Variants in CHMP5 observed in about 807,000 individuals in gnomAD.
The protein encoded by CHMP5 is SNF7 domain containing 2.
CHMP5 carries 17 observed loss-of-function variants against 33.0 expected under a neutral mutation model. That is an observed-to-expected ratio of 0.52 (90% CI 0.35 to 0.77). The LOEUF (loss-of-function observed/expected upper bound fraction) is 0.77. CHMP5 is among the 30% of genes least tolerant of loss of function. The pLI, the probability that CHMP5 is intolerant of heterozygous loss-of-function variation, is 0.01. For synonymous variants in CHMP5, 76 were observed against 90.2 expected (o/e 0.84, Z 0.89); for missense variants, 216 against 261.5 (o/e 0.83, Z 1.20).
chr9:33,279,049 C>T (rs888308270), intron 7 of CHMP5, among the ~76,000 whole-genome samples: 1 of 152,104 alleles, frequency 6.6e-6, no homozygotes, highest in African/African-American at 2.4e-5. Context: ...TCAGCCACCC[C>T]AGGTAGCTGC....
At chr9:33,268,774 A>G (rs948679311) in intron 3 of CHMP5, among the ~76,000 whole-genome samples, 3 of 152,232 alleles carry the variant, frequency 2.0e-5, no homozygotes, top group Non-Finnish European at 4.4e-5. Context: ...ACAGAAGAAA[A>G]TAAAATTTAC....
intron 5 of CHMP5, among the ~76,000 whole-genome samples, chr9:33,274,894 G>A (rs1001164147): frequency 6.6e-6 from 1 of 152,172 alleles, no homozygotes; most frequent in Non-Finnish European, 1.5e-5. Context: ...AGGATTACAG[G>A]CATGAGCCAC....
chr9:33,267,307 A>C (rs1308443358), intron 2 of CHMP5, among the ~76,000 whole-genome samples: 1 of 152,254 alleles, frequency 6.6e-6, no homozygotes, highest in Non-Finnish European at 1.5e-5. Context: ...ATGAAAGCCC[A>C]AACCATGGTG....
At position 33,281,946 on chromosome 9, in the gene CHMP5, C is replaced by T. The variant is rs935589261; in HGVS notation, c.*1087C>T. 1.3e-5 allele frequency: 2 copies of T among 152,248 alleles called. No homozygotes were observed. The highest frequency in any genetic ancestry group is 4.8e-5 in the African/African-American group (2 of 41,458). 9.4% of individuals were successfully genotyped at this position (152,248 alleles called of 1,614,324 possible). ...TCAGGGTCTTTAATGATCCTGTCCT[C>T]CCTTCCTCATTCAACTTGTTGCCAA... On this transcript the variant is annotated 3_prime_UTR_variant, in exon 8 of 8. Coordinates refer to ENST00000223500, the MANE Select transcript of CHMP5 (RefSeq NM_016410.6).
At chr9:33,271,245 G>A (rs1180048504) in intron 5 of CHMP5, 22 bp downstream of exon 5, 8 of 1,576,608 alleles carry the variant, frequency 5.1e-6, no homozygotes, top group Non-Finnish European at 6.1e-6. Flanking sequence ...GCTAGTTTCT[G>A]CAAGAATGTG....
At chr9:33,267,369 G>C (rs541824776) in intron 2 of CHMP5, among the ~76,000 whole-genome samples, 1 of 152,298 alleles carries the variant, frequency 6.6e-6, no homozygotes, top group South Asian at 2.1e-4. Flanking sequence ...CAGCTAACAG[G>C]ATGACTGTGC....
intron 2 of CHMP5, among the ~76,000 whole-genome samples, chr9:33,267,444 G>A (rs1255333065): frequency 6.6e-6 from 1 of 152,218 alleles, no homozygotes; most frequent in Non-Finnish European, 1.5e-5. Flanking sequence ...AGAGAGGTGA[G>A]AGATTGGTGG....
chr9:33,280,759 T>A, intron 7 of CHMP5, 50 bp from the exon 8 acceptor site: 1 of 1,500,212 alleles, frequency 6.7e-7, no homozygotes, highest in East Asian at 2.3e-5. Flanking sequence ...TCCTTTTTTT[T>A]TTTATCAAAT....
intron 6 of CHMP5, among the ~76,000 whole-genome samples, chr9:33,277,613 G>A (rs1820871128): frequency 6.6e-6 from 1 of 152,164 alleles, no homozygotes; most frequent in Non-Finnish European, 1.5e-5. Flanking sequence ...AGACAGAAGT[G>A]GACAGATTGA....
intron 5 of CHMP5, among the ~76,000 whole-genome samples, chr9:33,273,959 G>A (rs542181276): frequency 6.6e-6 from 1 of 151,888 alleles, no homozygotes; most frequent in Non-Finnish European, 1.5e-5. Flanking sequence ...GTGTAGCAGA[G>A]TGTTAAATAT....
intron 2 of CHMP5, among the ~76,000 whole-genome samples, chr9:33,267,252 A>C: frequency 6.6e-6 from 1 of 152,208 alleles, no homozygotes; most frequent in South Asian, 2.1e-4. Context: ...ATGGTGTGGA[A>C]TGAAGAGCAA....
chr9:33,270,330 G>T (rs1820778582), intron 3 of CHMP5, among the ~76,000 whole-genome samples: 1 of 152,154 alleles, frequency 6.6e-6, no homozygotes, highest in Non-Finnish European at 1.5e-5. Context: ...TACATTGTCT[G>T]ATGTTTGCAC....
Position 33,281,152 on chromosome 9 carries a change from G to A in CHMP5, c.*293G>A. 2 of 308,598 alleles carry A rather than the reference G, an allele frequency of 6.5e-6. No individual in the cohort carries two copies. Among genetic ancestry groups the A allele is most frequent in the East Asian group, 6.4e-5 (1 of 15,738 alleles). The allele number at this position is 308,598 out of a possible 1,614,324, so 19.1% of individuals were successfully genotyped here. A position where few individuals can be genotyped will look rare whatever the true frequency, so the allele number is the denominator to read the frequency against. On this transcript the variant is annotated 3_prime_UTR_variant, in exon 8 of 8. Coordinates refer to ENST00000223500, the MANE Select transcript of CHMP5 (RefSeq NM_016410.6). ...TAATAATAATTTGAAATAAAACTAAGGAAATGGAATCTTAAAAGTCTATGA... is the reference window on the plus strand; with the variant it reads ...TAATAATAATTTGAAATAAAACTAAAGAAATGGAATCTTAAAAGTCTATGA...
chr9:33,265,621 C>G (rs1204267112), intron 1 of CHMP5, among the ~76,000 whole-genome samples: 1 of 152,186 alleles, frequency 6.6e-6, no homozygotes, highest in Non-Finnish European at 1.5e-5. Flanking sequence ...CCACCATCCC[C>G]GATTTAGGGA....
rs1587795005 is a variant in CHMP5 at position 33,265,258 on chromosome 9, T to C, written c.69+111T>C. ...CACTTCATTTCGGGTCCTGGGCCCC[T>C]TACACGTCGTCCCTCTCTATCTCAC... On this transcript the variant is annotated intron_variant, in intron 1 of 7. Transcript: ENST00000223500. The C allele has an allele frequency of 4.3e-6, 4 of 939,510 alleles. No homozygotes were observed. In the Admixed American group the frequency reaches 8.3e-5, roughly 20 times the overall value. The allele number at this position is 939,510 out of a possible 1,614,324, so 58.2% of individuals were successfully genotyped here. A position where few individuals can be genotyped will look rare whatever the true frequency, so the allele number is the denominator to read the frequency against.
rs750069322 is a variant in CHMP5 at position 33,276,450 on chromosome 9, C to T, written c.388-6C>T. 2.7e-6 allele frequency: 4 copies of T among 1,507,042 alleles called. No individual in the cohort carries two copies. Among genetic ancestry groups the T allele is most frequent in the Non-Finnish European group, 3.7e-6 (4 of 1,085,922 alleles). The allele number at this position is 1,507,042 out of a possible 1,614,324, so 93.4% of individuals were successfully genotyped here. A position where few individuals can be genotyped will look rare whatever the true frequency, so the allele number is the denominator to read the frequency against. ...AGAGAAAATCCTCTCATATATATTTCCGTAGGATTTACAAGACCAGCTAGA... is the reference window on the plus strand; with the variant it reads ...AGAGAAAATCCTCTCATATATATTTTCGTAGGATTTACAAGACCAGCTAGA... On this transcript the variant is annotated splice_region_variant and splice_polypyrimidine_tract_variant and intron_variant, in intron 5 of 7. Transcript: ENST00000223500.
intron 1 of CHMP5, among the ~76,000 whole-genome samples, chr9:33,265,449 A>G (rs953174749): frequency 3.3e-5 from 5 of 151,960 alleles, no homozygotes; most frequent in Non-Finnish European, 7.4e-5. Flanking sequence ...CCCTAGGCCC[A>G]TACACCCTTC....
At position 33,276,236 on chromosome 9, in the gene CHMP5, A is replaced by G. The variant is rs1820852567; in HGVS notation, c.388-220A>G. 2.6e-5 allele frequency among the ~76,000 whole-genome samples: 4 copies of G among 152,158 alleles called. No individual in the cohort carries two copies. In the South Asian group the frequency reaches 8.3e-4, roughly 32 times the overall value. On this transcript the variant is annotated intron_variant, in intron 5 of 7. Transcript: ENST00000223500. The stretch of plus-strand genomic sequence containing the variant: ...GTTACTTGAACCTGTCCTTTAGAGG[A>G]GTGTCTGCTCAGTTGTTAACATTAA...
In CHMP5 at chr9:33,266,029, C is replaced by G. The variant is rs182465933; in HGVS notation, c.89C>G (p.Ser30Cys). 6.2e-7 allele frequency: 1 copy of G among 1,612,350 alleles called. No individual in the cohort carries two copies. Among genetic ancestry groups the G allele is most frequent in the African/African-American group, 1.3e-5 (1 of 74,970 alleles). Residue 30 changes from serine to cysteine, a missense_variant, in exon 2 of 8, where the codon TCC becomes TGC. By Grantham distance (112) the Ser-to-Cys change is moderately radical. Coordinates refer to ENST00000223500, the MANE Select transcript of CHMP5 (RefSeq NM_016410.6). ...CIGTVDSRAESIDKKISRLDA... is the reference protein window; with the variant it reads ...CIGTVDSRAECIDKKISRLDA... ...CCTAAGGTGGACAGTAGAGCAGAATCCATTGACAAGAAGATTTCTCGATTG... is the reference window on the plus strand; with the variant it reads ...CCTAAGGTGGACAGTAGAGCAGAATGCATTGACAAGAAGATTTCTCGATTG...
Sources: allele counts gnomAD v4.1 joint callset (sites outside exome capture counted in the v4.1 genomes callset), GRCh38; gene constraint gnomAD v4.1.1; transcripts MANE v1.5; gene names NCBI Gene and HGNC (gene_info 2026-07-23, HGNC 2026-07-21).